Variants in IL23R observed in about 807,000 individuals in gnomAD.
The protein encoded by IL23R is interleukin 23 receptor.
In IL23R, 34 loss-of-function variants were observed where a neutral mutation model predicts 56.9. That is an observed-to-expected ratio of 0.60 (90% CI 0.45 to 0.80). IL23R has a LOEUF of 0.80. Among genes scored for constraint, IL23R ranks in the 30% least tolerant of loss-of-function variants. IL23R has a pLI of 0.00. For missense variants in IL23R, 635 were observed against 730.0 expected (o/e 0.87, Z 1.50); for synonymous variants, 230 against 249.2 (o/e 0.92, Z 0.73).
chr1:67,249,314 G>A (rs1386320901), intron 9 of IL23R, among the ~76,000 whole-genome samples: 6 of 152,170 alleles, frequency 3.9e-5, no homozygotes, highest in African/African-American at 1.2e-4. Context: ...CTGTATTCAA[G>A]AGTGCTTTTT....
At chr1:67,235,114 C>T (rs995315442) in intron 7 of IL23R, among the ~76,000 whole-genome samples, 2 of 152,190 alleles carry the variant, frequency 1.3e-5, no homozygotes, top group African/African-American at 4.8e-5. Flanking sequence ...GACTGTTGGC[C>T]ATCAGGGCAT....
At chr1:67,170,410 T>A (rs1646928509) in intron 3 of IL23R, among the ~76,000 whole-genome samples, 1 of 152,170 alleles carries the variant, frequency 6.6e-6, no homozygotes, top group Non-Finnish European at 1.5e-5. Context: ...AACTATTAAT[T>A]TTTTTCTTTT....
intron 3 of IL23R, among the ~76,000 whole-genome samples, chr1:67,177,145 G>T (rs1647021845): frequency 6.6e-6 from 1 of 152,104 alleles, no homozygotes; most frequent in East Asian, 1.9e-4. Context: ...TAGTGGGATG[G>T]CTCAGTCAAA....
chr1:67,212,284 A>G (rs1028211871), intron 6 of IL23R, among the ~76,000 whole-genome samples: 3 of 152,204 alleles, frequency 2.0e-5, no homozygotes, highest in African/African-American at 7.2e-5. Context: ...TACATTTGCT[A>G]CTGTCAATTT....
intron 1 of IL23R, among the ~76,000 whole-genome samples, chr1:67,152,690 C>T (rs1287698934): frequency 2.6e-5 from 4 of 152,084 alleles, no homozygotes; most frequent in Admixed American, 2.6e-4. Flanking sequence ...GCCTTTTCTG[C>T]GTCTATTGAG....
rs75811765 is a variant in IL23R at position 67,182,942 on chromosome 1, C to T, written c.474C>T (p.Tyr158=). 943 of 1,613,978 alleles carry T rather than the reference C, an allele frequency of 5.8e-4. 3 individuals carry two copies. The African/African-American group carries it at 8.7e-3, about 15-fold the overall frequency. ...AGCTCACCTACATAGACACAAAATA[C>T]GTGGTACATGTGAAGAGGTAGGTCA... ...AGKLTYIDTK[Y]VVHVKSLETE... is the part of the protein sequence containing the mutation. Residue 158 remains tyrosine, a synonymous_variant, in exon 4 of 11, where the codon TAC becomes TAT. Coordinates refer to ENST00000347310, the MANE Select transcript of IL23R (RefSeq NM_144701.3).
intron 6 of IL23R, among the ~76,000 whole-genome samples, chr1:67,217,267 C>T (rs1460842107): frequency 6.6e-6 from 1 of 152,170 alleles, no homozygotes; most frequent in Non-Finnish European, 1.5e-5. Flanking sequence ...ATACTATTTA[C>T]AGAGGCACTC....
chr1:67,164,606 T>A (rs1570769034), upstream of IL23R, among the ~76,000 whole-genome samples: 1 of 149,740 alleles, frequency 6.7e-6, no homozygotes, highest in South Asian at 2.1e-4. Flanking sequence ...CACTCCAGCC[T>A]GGGCAACAGA....
chr1:67,165,595 A>G (rs931420424), upstream of IL23R, among the ~76,000 whole-genome samples: 3 of 152,210 alleles, frequency 2.0e-5, no homozygotes, highest in African/African-American at 7.2e-5. Context: ...AATAATTGGT[A>G]AAGAATCTGT....
intron 5 of IL23R, among the ~76,000 whole-genome samples, chr1:67,206,051 CACCCAGGCTGGAGTGCA>C (rs937320966): frequency 1.3e-5 from 2 of 151,414 alleles, no homozygotes; most frequent in African/African-American, 4.9e-5. Flanking sequence ...CTCGCTCCGC[CACCCAGGCTGGAGTGCA>C]GTGGCATGAT....
chr1:67,244,742 G>A (rs140953244), intron 9 of IL23R, among the ~76,000 whole-genome samples: 17,797 of 152,132 alleles, frequency 0.12, 1,593 homozygotes, highest in African/African-American at 0.25. Context: ...AAGTCAGATA[G>A]CGTGATGCCT....
At chr1:67,263,133 A>ACC (rs1558272132), downstream of IL23R, among the ~76,000 whole-genome samples, 1 of 65,454 alleles carries the variant, frequency 1.5e-5, no homozygotes, top group Non-Finnish European at 3.0e-5. Flanking sequence ...TTTTTTTTTT[A>ACC]ACAGGTCACC....
chr1:67,157,736 C>T (rs1646781169), intron 1 of IL23R, among the ~76,000 whole-genome samples: 1 of 152,194 alleles, frequency 6.6e-6, no homozygotes, highest in African/African-American at 2.4e-5. Flanking sequence ...GCATATTAAA[C>T]TTGCTGTCTA....
At chr1:67,144,972 A>G (rs1646667075) in intron 1 of IL23R, among the ~76,000 whole-genome samples, 1 of 152,198 alleles carries the variant, frequency 6.6e-6, no homozygotes, top group Non-Finnish European at 1.5e-5. Flanking sequence ...GTTAATTTAT[A>G]TTCCTTCCCA....
intron 4 of IL23R, among the ~76,000 whole-genome samples, chr1:67,187,934 C>T (rs1647462754): frequency 6.6e-6 from 1 of 152,088 alleles, no homozygotes; most frequent in Non-Finnish European, 1.5e-5. Flanking sequence ...GGCATGTAAT[C>T]CCAGCTACTT....
intron 5 of IL23R, among the ~76,000 whole-genome samples, chr1:67,204,117 G>A (rs1016083856): frequency 2.0e-5 from 3 of 152,072 alleles, no homozygotes; most frequent in South Asian, 2.1e-4. Flanking sequence ...AGGCTGGAGT[G>A]CAGTGGCGCG....
chr1:67,197,468 C>T (rs927210057), intron 4 of IL23R, among the ~76,000 whole-genome samples: 1 of 152,226 alleles, frequency 6.6e-6, no homozygotes, highest in Non-Finnish European at 1.5e-5. Context: ...GAAATGGGAA[C>T]TGAGGAAATT....
At chr1:67,182,044 T>C (rs894323440) in intron 3 of IL23R, among the ~76,000 whole-genome samples, 1 of 152,188 alleles carries the variant, frequency 6.6e-6, no homozygotes, top group Non-Finnish European at 1.5e-5. Flanking sequence ...CTGCCCCTAC[T>C]GGGGGGTGCC....
At chr1:67,263,785 A>G (rs1416338938), downstream of IL23R, among the ~76,000 whole-genome samples, 2 of 151,726 alleles carry the variant, frequency 1.3e-5, no homozygotes, top group Non-Finnish European at 2.9e-5. Flanking sequence ...GCGGTGCCTA[A>G]CCCAGGAGGT....
Sources: gnomAD v4.1 joint callset for allele counts (sites outside exome capture counted in the v4.1 genomes callset) on GRCh38, gnomAD v4.1.1 for gene constraint, MANE v1.5 for transcripts, NCBI Gene and HGNC (gene_info 2026-07-23, HGNC 2026-07-21) for gene names.